The following RARB variants were observed in gnomAD, a reference collection of about 807,000 sequenced individuals.
RARB encodes the protein retinoic acid receptor beta.
Under a neutral mutation model 51.9 loss-of-function variants are expected in RARB, and 17 were observed. The observed-to-expected ratio is 0.33, with a 90% CI of 0.22 to 0.49. RARB has a LOEUF of 0.49. Ranked by LOEUF, RARB falls within the 20% of genes least tolerant of loss-of-function variation. The pLI is 0.99. For synonymous variants in RARB, 215 were observed against 195.4 expected (o/e 1.10, Z -0.84); for missense variants, 369 against 550.8 (o/e 0.67, Z 3.30).
At chr3:25,313,490 G>A (rs1395767109) in intron 5 of RARB, among the ~76,000 whole-genome samples, 1 of 152,164 alleles carries the variant, frequency 6.6e-6, no homozygotes, top group African/African-American at 2.4e-5. Flanking sequence ...AGTATCTCTG[G>A]TTGTGAAACT....
intron 5 of RARB, among the ~76,000 whole-genome samples, chr3:25,242,252 G>C (rs181783939): frequency 6.6e-6 from 1 of 152,044 alleles, no homozygotes; most frequent in Non-Finnish European, 1.5e-5. Context: ...CCATTCTGTA[G>C]GTTGCCTGTT....
chr3:25,367,724 G>C (rs763358024), intron 5 of RARB, among the ~76,000 whole-genome samples: 1 of 150,468 alleles, frequency 6.6e-6, no homozygotes, highest in Non-Finnish European at 1.5e-5. Context: ...TACCTGGAGG[G>C]CTGGGGCAGG....
intron 2 of RARB, among the ~76,000 whole-genome samples, chr3:25,055,533 G>A (rs1407256755): frequency 1.3e-5 from 2 of 152,266 alleles, no homozygotes; most frequent in Non-Finnish European, 1.5e-5. Context: ...CTCTGGAAGA[G>A]TTGGCTACCC....
chr3:25,181,608 G>A lies in RARB; in HGVS notation c.178+7033G>A, dbSNP rs192885090. Among the ~76,000 whole-genome samples the A allele has an allele frequency of 6.4e-4, 97 of 152,236 alleles. 1 individual carries two copies. The highest frequency in any genetic ancestry group is 2.1e-3 in the African/African-American group (89 of 41,552). ...GTGCCTCATGTTCTCATGACTTTCCGATGTCCCACCAGGCATTCCTGTTAA... is the reference window on the plus strand; with the variant it reads ...GTGCCTCATGTTCTCATGACTTTCCAATGTCCCACCAGGCATTCCTGTTAA... On this transcript the variant is annotated intron_variant, in intron 5 of 11. Transcript: ENST00000383772.
chr3:25,039,305 T>G (rs1698065923), intron 2 of RARB, among the ~76,000 whole-genome samples: 1 of 152,138 alleles, frequency 6.6e-6, no homozygotes, highest in Non-Finnish European at 1.5e-5. Context: ...CAAACCTCAG[T>G]GGAAAATAAG....
intron 4 of RARB, among the ~76,000 whole-genome samples, chr3:25,169,977 C>A (rs909284225): frequency 1.6e-5 from 2 of 128,148 alleles, no homozygotes; most frequent in African/African-American, 3.0e-5. Flanking sequence ...GACAGAGCGA[C>A]ACCTTATTTC....
chr3:24,900,940 T>A (rs543118982), intron 2 of RARB, among the ~76,000 whole-genome samples: 6 of 152,202 alleles, frequency 3.9e-5, no homozygotes, highest in Admixed American at 3.3e-4. Context: ...ACATACAAGA[T>A]TCATTGATCC....
chr3:25,299,510 G>A (rs1455729181), intron 5 of RARB, among the ~76,000 whole-genome samples: 35 of 152,006 alleles, frequency 2.3e-4, no homozygotes, highest in Admixed American at 2.2e-3. Flanking sequence ...CACCTCACTC[G>A]TAAATGAAAT....
At position 25,577,594 on chromosome 3, in the gene RARB, G is replaced by GA. The variant is rs200199427; in HGVS notation, c.610-2944dup. On this transcript the variant is annotated intron_variant, in intron 4 of 7. Coordinates refer to ENST00000330688, the MANE Select transcript of RARB (RefSeq NM_000965.5). ...AAATTTACATTTCCTTCTTAACTTTGAAAAAAAAGCCAGAACGCTTGAACA... is the reference window on the plus strand; with the variant it reads ...AAATTTACATTTCCTTCTTAACTTTGAAAAAAAAAGCCAGAACGCTTGAACA... 5.6e-3 allele frequency among the ~76,000 whole-genome samples: 857 copies of GA among 151,738 alleles called. 6 individuals carry two copies. Among genetic ancestry groups the GA allele is most frequent in the Middle Eastern group, 0.027 (8 of 294 alleles).
At chr3:25,055,420 C>G (rs1347552154) in intron 2 of RARB, among the ~76,000 whole-genome samples, 1 of 152,138 alleles carries the variant, frequency 6.6e-6, no homozygotes, top group African/African-American at 2.4e-5. Flanking sequence ...GCACTGAGGG[C>G]CCTTAAGAAT....
rs558524340 is a variant in RARB at position 25,103,576 on chromosome 3, A to G, written c.-327-28585A>G. On this transcript the variant is annotated intron_variant, in intron 3 of 11. Transcript: ENST00000383772. ...TAGAAATCATGAAAGTTTTGCCCCC[A>G]GGCGACAACAGAAGGCCATCTTTGA... 4.6e-5 allele frequency among the ~76,000 whole-genome samples: 7 copies of G among 152,328 alleles called. No homozygotes were observed. In the South Asian group the frequency reaches 1.0e-3, roughly 23 times the overall value.
intron 5 of RARB, among the ~76,000 whole-genome samples, chr3:25,363,047 A>T (rs1180235651): frequency 6.9e-6 from 1 of 145,024 alleles, no homozygotes; most frequent in Admixed American, 6.8e-5. Context: ...TAGGAGCTTT[A>T]AAAAAAAAGC....
intron 2 of RARB, among the ~76,000 whole-genome samples, chr3:24,892,940 T>C (rs1244634935): frequency 1.3e-5 from 2 of 152,202 alleles, no homozygotes; most frequent in Non-Finnish European, 2.9e-5. Flanking sequence ...GGCAATTGCT[T>C]TTCATTCAGG....
chr3:25,027,603 A>G (rs1697775897), intron 2 of RARB, among the ~76,000 whole-genome samples: 1 of 110,436 alleles, frequency 9.1e-6, no homozygotes, highest in South Asian at 3.2e-4. Flanking sequence ...CAGAAGGTAC[A>G]CTTTATGGAA....
At chr3:25,036,676 G>A (rs1575129780) in intron 2 of RARB, among the ~76,000 whole-genome samples, 1 of 152,164 alleles carries the variant, frequency 6.6e-6, no homozygotes, top group East Asian at 1.9e-4. Flanking sequence ...GTACCTGAGT[G>A]TGGTGCCAAC....
chr3:25,186,928 T>TGA (rs2125360908), intron 5 of RARB, among the ~76,000 whole-genome samples: 1 of 151,302 alleles, frequency 6.6e-6, no homozygotes, highest in Admixed American at 6.6e-5. Flanking sequence ...TGTGTGTGTG[T>TGA]GTGTGTGTGT....
intron 4 of RARB, among the ~76,000 whole-genome samples, chr3:25,157,176 G>A (rs1203485618): frequency 6.6e-6 from 1 of 152,128 alleles, no homozygotes; most frequent in African/African-American, 2.4e-5. Flanking sequence ...ACAAATATGG[G>A]AAAAAGTGTT....
intron 2 of RARB, chr3:25,462,353 T>G (rs911931592): frequency 2.0e-5 from 3 of 152,174 alleles, no homozygotes; most frequent in African/African-American, 7.2e-5. Context: ...AACTAACTCA[T>G]CCATAAAAAA....
intron 5 of RARB, among the ~76,000 whole-genome samples, chr3:25,402,785 A>C (rs1280812893): frequency 6.6e-6 from 1 of 152,156 alleles, no homozygotes; most frequent in Non-Finnish European, 1.5e-5. Context: ...TAGAAAGTAG[A>C]AAGATGGTCA....
Sources: gnomAD v4.1 joint callset for allele counts (sites outside exome capture counted in the v4.1 genomes callset) on GRCh38, gnomAD v4.1.1 for gene constraint, MANE v1.5 for transcripts, NCBI Gene and HGNC (gene_info 2026-07-23, HGNC 2026-07-21) for gene names.